Variants in FOXL2 observed in about 807,000 individuals in gnomAD.
The protein encoded by FOXL2 is forkhead box protein L2.
In FOXL2, 3 loss-of-function variants were observed where a neutral mutation model predicts 2.5. That is an observed-to-expected ratio of 1.20 (90% confidence interval 0.55 to 3.11). FOXL2 has a LOEUF of 3.11. Ranked by LOEUF, FOXL2 falls within the 30% of genes most tolerant of loss-of-function variation. The pLI is 0.03. For missense variants in FOXL2, 512 were observed against 570.0 expected, an observed-to-expected ratio of 0.90 and a Z score of 1.04; for synonymous variants, 315 against 269.4, an observed-to-expected ratio of 1.17 and a Z score of -1.66.
In FOXL2 at chr3:138,946,106, A is replaced by G. The variant is rs1935961172; in HGVS notation, c.617T>C (p.Leu206Pro). 1.4e-6 allele frequency: 2 copies of G among 1,476,890 alleles called. No homozygotes were observed. The highest frequency in any genetic ancestry group is 1.3e-5 in the South Asian group (1 of 77,852). The allele number at this position is 1,476,890 out of a possible 1,614,324, so 91.5% of individuals were successfully genotyped here. Residue 206 changes from leucine to proline, a missense_variant, in exon 1 of 1, where the codon CTA becomes CCA. Leu to Pro is a moderately conservative substitution (Grantham distance 98). Transcript: ENST00000648323. ...QSGFLNNSWP[L>P]PQPPSPMPYA... ...GGGCATGGGTGAGGGAGGCTGCGGT[A>G]GCGGCCACGAGTTGTTGAGGAAGCC...
Position 138,945,606 on chromosome 3 carries a change from G to T in FOXL2, c.1117C>A (p.Arg373Ser). ...GCGGTGGGCTCTCAGAGATCGAGGC[G>T]CGAATGCAGCGCGCCGGTCTTGCTG... ...HDSKTGALHSRLDL is the reference protein window; with the variant it reads ...HDSKTGALHSSLDL The change falls in exon 1 of 1, where the codon CGC (arginine) becomes AGC (serine). Residue 373 changes from arginine to serine, a missense_variant. Arg to Ser is a moderately radical substitution (Grantham distance 110). Transcript: ENST00000648323. The T allele has an allele frequency of 2.5e-6, 4 of 1,609,824 alleles. No individual in the cohort carries two copies. Among genetic ancestry groups the T allele is most frequent in the Non-Finnish European group, 3.4e-6 (4 of 1,177,980 alleles).
chr3:138,946,183 G>A lies in FOXL2; in HGVS notation c.540C>T (p.Gly180=). The change falls in exon 1 of 1, where the codon GGC becomes GGT. Residue 180 remains glycine (G), a synonymous_variant. Transcript: ENST00000648323. ...GGAAGGCGVA[G]AGADGYGYLA... ...GGTAGCCGTAGCCGTCGGCCCCGGC[G>A]CCCGCCACGCCGCACCCGCCTGCGG... is the stretch of plus-strand genomic sequence containing the variant. 6.8e-7 allele frequency: 1 copy of A among 1,481,472 alleles called. No individual in the cohort carries two copies. Among genetic ancestry groups the A allele is most frequent in the Non-Finnish European group, 8.9e-7 (1 of 1,122,758 alleles). The allele number at this position is 1,481,472 out of a possible 1,614,324, so 91.8% of individuals were successfully genotyped here. A position where few individuals can be genotyped will look rare whatever the true frequency, so the allele number is the denominator to read the frequency against.
At position 138,947,106 on chromosome 3, in the gene FOXL2, T is replaced by G; in HGVS notation, c.-384A>C. On this transcript the variant is annotated 5_prime_UTR_variant, in exon 1 of 1. Transcript: ENST00000648323. The surrounding 1 kb of genome is among the most constrained non-coding windows in gnomAD (Gnocchi z 5.2). ...TCTCTGGCGGAGCTGCCTCCTGGAG[T>G]CCCTAGTGCGCCAGGAGCCTCGCTC... The G allele has an allele frequency of 2.7e-6, 1 of 374,322 alleles. No homozygotes were observed. Among genetic ancestry groups the G allele is most frequent in the African/African-American group, 2.4e-5 (1 of 42,252 alleles). 23.2% of individuals were successfully genotyped at this position (374,322 alleles called of 1,614,324 possible).
rs1576469252 is a variant in FOXL2 at position 138,945,458 on chromosome 3, C to T, written c.*134G>A. ...GGAAAGCGAAAAAGCACAGAGGGAC[C>T]CTGGGCGCTGGCTCCAGAGGCGGGC... is the stretch of plus-strand genomic sequence containing the variant. On this transcript the variant is annotated 3_prime_UTR_variant, in exon 1 of 1. Coordinates refer to ENST00000648323, the MANE Select transcript of FOXL2 (RefSeq NM_023067.4). 30 of 1,451,170 alleles carry T rather than the reference C, an allele frequency of 2.1e-5. No homozygotes were observed. The highest frequency in any genetic ancestry group is 2.7e-5 in the Non-Finnish European group (29 of 1,083,758). 89.9% of individuals were successfully genotyped at this position (1,451,170 alleles called of 1,614,324 possible).
Position 138,945,601 on chromosome 3 carries a change from G to T in FOXL2, c.1122C>A (p.Leu374=), listed in dbSNP as rs367789389. 6.2e-7 allele frequency: 1 copy of T among 1,609,358 alleles called. No individual in the cohort carries two copies. Among genetic ancestry groups the T allele is most frequent in the Non-Finnish European group, 8.5e-7 (1 of 1,177,704 alleles). Residue 374 remains leucine (L), a synonymous_variant, in exon 1 of 1, where the codon CTC becomes CTA. Coordinates refer to ENST00000648323, the MANE Select transcript of FOXL2 (RefSeq NM_023067.4). ...DSKTGALHSR[L]DL is the part of the protein sequence containing the mutation. ...GGCATGCGGTGGGCTCTCAGAGATC[G>T]AGGCGCGAATGCAGCGCGCCGGTCT...
In FOXL2 at chr3:138,945,221, T is replaced by C; in HGVS notation, c.*371A>G. On this transcript the variant is annotated 3_prime_UTR_variant, in exon 1 of 1. Transcript: ENST00000648323. ...CGACCTGTGAGAGAAGGCCAAGAGG[T>C]CTGCGCTGCCGACGCCCGGTCGCAC... 2 of 253,008 alleles carry C rather than the reference T, an allele frequency of 7.9e-6. No homozygotes were observed. The highest frequency in any genetic ancestry group is 1.6e-5 in the Non-Finnish European group (2 of 128,732). 15.7% of individuals were successfully genotyped at this position (253,008 alleles called of 1,614,324 possible).
chr3:138,945,206 G>A lies in FOXL2; in HGVS notation c.*386C>T, dbSNP rs1314685222. Reference sequence around the variant, plus strand: ...GGAGAGCGAGCGCACCGACCTGTGAGAGAAGGCCAAGAGGTCTGCGCTGCC... The same window carrying A: ...GGAGAGCGAGCGCACCGACCTGTGAAAGAAGGCCAAGAGGTCTGCGCTGCC... On this transcript the variant is annotated 3_prime_UTR_variant, in exon 1 of 1. Transcript: ENST00000648323. 1.6e-5 allele frequency: 4 copies of A among 248,632 alleles called. No homozygotes were observed. The highest frequency in any genetic ancestry group is 4.3e-5 in the African/African-American group (2 of 46,086). 15.4% of individuals were successfully genotyped at this position (248,632 alleles called of 1,614,324 possible). A position where few individuals can be genotyped will look rare whatever the true frequency, so the allele number is the denominator to read the frequency against.
At position 138,946,489 on chromosome 3, in the gene FOXL2, G is replaced by A. The variant is rs778131069; in HGVS notation, c.234C>T (p.Ser78=). 3 of 1,614,056 alleles carry A rather than the reference G, an allele frequency of 1.9e-6. No individual in the cohort carries two copies. Among genetic ancestry groups the A allele is most frequent in the Non-Finnish European group, 2.5e-6 (3 of 1,180,000 alleles). The change falls in exon 1 of 1, where the codon TCC becomes TCT. Residue 78 remains serine, a synonymous_variant. Transcript: ENST00000648323. ...TCGCGATGATGTACTGGTAGATGCCGGACAGCGTGAGCCTCTTCTCCGCGC... is the reference window on the plus strand; with the variant it reads ...TCGCGATGATGTACTGGTAGATGCCAGACAGCGTGAGCCTCTTCTCCGCGC... ...RESAEKRLTL[S]GIYQYIIAKF...
rs955713442 is a variant in FOXL2 at position 138,946,293 on chromosome 3, G to T, written c.430C>A (p.Arg144=). The part of the protein sequence containing the change: ...CEDMFEKGNY[R]RRRRMKRPFR... ...GGCCTCTTCATGCGGCGGCGGCGCC[G>T]GTAGTTGCCCTTCTCGAACATGTCT... Residue 144 remains arginine, a synonymous_variant, in exon 1 of 1, where the codon CGG becomes AGG. Transcript: ENST00000648323. The T allele has an allele frequency of 1.9e-6, 3 of 1,611,684 alleles. No homozygotes were observed. The highest frequency in any genetic ancestry group is 1.1e-5 in the South Asian group (1 of 90,858).
chr3:138,944,774 C>T lies in FOXL2; in HGVS notation c.*818G>A, dbSNP rs1935913280. On this transcript the variant is annotated 3_prime_UTR_variant, in exon 1 of 1. Coordinates refer to ENST00000648323, the MANE Select transcript of FOXL2 (RefSeq NM_023067.4). Reference sequence around the variant, plus strand: ...ATTTGGATTTAGCAAACTCCAAGGCCACAATACTTCCCCGGTTGCCCGGTG... The same window carrying T: ...ATTTGGATTTAGCAAACTCCAAGGCTACAATACTTCCCCGGTTGCCCGGTG... 1 of 232,816 alleles carries T rather than the reference C, an allele frequency of 4.3e-6. No individual in the cohort carries two copies. The highest frequency in any genetic ancestry group is 1.8e-4 in the South Asian group (1 of 5,534). The allele number at this position is 232,816 out of a possible 1,614,324, so 14.4% of individuals were successfully genotyped here.
In FOXL2 at chr3:138,945,860, G is replaced by A; in HGVS notation, c.863C>T (p.Pro288Leu). ...TGCGTGCGGATGCGGGTGGGGGTGC[G>A]GCGGAGGCGGGGGTGCGGCCGGCGG... ...GGPPAAPPPP[P>L]HPHPHPHAHH... is the part of the protein sequence containing the mutation. Residue 288 changes from proline to leucine, a missense_variant, in exon 1 of 1, where the codon CCG becomes CTG. Pro to Leu is a moderately conservative substitution (Grantham distance 98). Around this residue, in one of 5 missense-constraint regions of FOXL2, gnomAD observed 287 missense variants for 277.4 expected, o/e 1.03. Transcript: ENST00000648323. The A allele has an allele frequency of 8.1e-7, 1 of 1,241,708 alleles. No homozygotes were observed. The highest frequency in any genetic ancestry group is 1.0e-6 in the Non-Finnish European group (1 of 995,788). 76.9% of individuals were successfully genotyped at this position (1,241,708 alleles called of 1,614,324 possible).
rs920747144 is a variant in FOXL2 at position 138,944,226 on chromosome 3, A to T, written c.*1366T>A. On this transcript the variant is annotated 3_prime_UTR_variant, in exon 1 of 1. Transcript: ENST00000648323. ...CGACAGAAATAAAGAAGTCCGTGTT[A>T]AAAGAAGGAACACAAAATTTATTCG... 4.3e-6 allele frequency: 1 copy of T among 230,902 alleles called. No individual in the cohort carries two copies. The highest frequency in any genetic ancestry group is 2.2e-5 in the African/African-American group (1 of 45,278). The allele number at this position is 230,902 out of a possible 1,614,324, so 14.3% of individuals were successfully genotyped here.
rs111967494 is a variant in FOXL2 at position 138,946,641 on chromosome 3, C to T, written c.82G>A (p.Glu28Lys). The change falls in exon 1 of 1, where the codon GAA becomes AAA. Residue 28 changes from glutamate (E) to lysine (K), a missense_variant. Glu to Lys is a moderately conservative substitution (Grantham distance 56, BLOSUM62 1). Coordinates refer to ENST00000648323, the MANE Select transcript of FOXL2 (RefSeq NM_023067.4). ...PETGRTVKEP[E>K]GPPPSPGKGG... The stretch of plus-strand genomic sequence containing the variant: ...TTGCCTGGGCTCGGCGGCGGCCCTT[C>T]TGGCTCCTTGACTGTGCGACCGGTC... 1 of 1,591,722 alleles carries T rather than the reference C, an allele frequency of 6.3e-7. No individual in the cohort carries two copies. The highest frequency in any genetic ancestry group is 8.5e-7 in the Non-Finnish European group (1 of 1,172,434).
Position 138,946,033 on chromosome 3 carries a change from CGCAGCTGCT to C in FOXL2, c.681_689del (p.Ala232_Ala234del). 7.2e-7 allele frequency: 1 copy of C among 1,393,148 alleles called. No homozygotes were observed. The highest frequency in any genetic ancestry group is 9.2e-7 in the Non-Finnish European group (1 of 1,085,756). 86.3% of individuals were successfully genotyped at this position (1,393,148 alleles called of 1,614,324 possible). ...GGCTACCGGGGCCCGCGGCTGCAGCCGCAGCTGCTGCAGCCGCTGCGGCTGCCGCCATCT... is the reference window on the plus strand; with the variant it reads ...GGCTACCGGGGCCCGCGGCTGCAGCCGCAGCCGCTGCGGCTGCCGCCATCT... On this transcript the variant is annotated inframe_deletion, in exon 1 of 1. Coordinates refer to ENST00000648323, the MANE Select transcript of FOXL2 (RefSeq NM_023067.4).
chr3:138,946,487 C>T lies in FOXL2; in HGVS notation c.236G>A (p.Gly79Asp), dbSNP rs1935975558. The T allele has an allele frequency of 6.2e-7, 1 of 1,614,082 alleles. No homozygotes were observed. The highest frequency in any genetic ancestry group is 2.2e-5 in the East Asian group (1 of 44,852). ...CTTCGCGATGATGTACTGGTAGATG[C>T]CGGACAGCGTGAGCCTCTTCTCCGC... ...ESAEKRLTLSGIYQYIIAKFP... is the reference protein window; with the variant it reads ...ESAEKRLTLSDIYQYIIAKFP... Residue 79 changes from glycine to aspartate, a missense_variant, in exon 1 of 1, where the codon GGC becomes GAC. By Grantham distance (94) the Gly-to-Asp change is moderately conservative (BLOSUM62 -1). Around this residue, in one of 5 missense-constraint regions of FOXL2, gnomAD observed 63 missense variants for 138.9 expected, o/e 0.45. Coordinates refer to ENST00000648323, the MANE Select transcript of FOXL2 (RefSeq NM_023067.4).
rs1426938011 is a variant in FOXL2 at position 138,945,535 on chromosome 3, C to T, written c.*57G>A. 1.8e-5 allele frequency: 28 copies of T among 1,569,100 alleles called. No homozygotes were observed. The highest frequency in any genetic ancestry group is 1.6e-4 in the African/African-American group (12 of 73,938). ...GCGGCGTCGTCGGCTGCGACCGGGG[C>T]CGGCGTCGCGCGTCCCTGCATCCTC... is the stretch of plus-strand genomic sequence containing the variant. On this transcript the variant is annotated 3_prime_UTR_variant, in exon 1 of 1. Transcript: ENST00000648323.
rs770712111 is a variant in FOXL2, at chr3:138,946,578, G to A, written c.145C>T (p.Pro49Ser). The change falls in exon 1 of 1, where the codon CCG becomes TCG. Residue 49 changes from proline to serine, a missense_variant. By Grantham distance (74) the Pro-to-Ser change is moderately conservative. Transcript: ENST00000648323. ...GGGGGTAPEK[P>S]DPAQKPPYSY... ...TACGGGGGCTTCTGCGCCGGGTCCG[G>A]CTTCTCCGGGGCTGTCCCGCCGCCA... 4 of 1,608,918 alleles carry A rather than the reference G, an allele frequency of 2.5e-6. No individual in the cohort carries two copies. The South Asian group carries it at 3.3e-5, about 13-fold the overall frequency.
In FOXL2 at chr3:138,946,456, C is replaced by G. The variant is rs755036343; in HGVS notation, c.267G>C (p.Pro89=). The G allele has an allele frequency of 3.1e-6, 5 of 1,614,160 alleles. No homozygotes were observed. Among genetic ancestry groups the G allele is most frequent in the Non-Finnish European group, 4.2e-6 (5 of 1,180,016 alleles). ...AGCCCTTCTTATTCTTCTCGTAGAA[C>G]GGGAACTTCGCGATGATGTACTGGT... ...GIYQYIIAKF[P]FYEKNKKGWQ... is the part of the protein sequence containing the mutation. Residue 89 remains proline (P), a synonymous_variant, in exon 1 of 1, where the codon CCG becomes CCC. Transcript: ENST00000648323.
chr3:138,946,959 A>C lies in FOXL2; in HGVS notation c.-237T>G. On this transcript the variant is annotated 5_prime_UTR_variant, in exon 1 of 1. Transcript: ENST00000648323. ...GCCTCTGGCCATGGGGAGTCCGCCCAACAGAGAGGGGCTCCGGCCTCGCCG... is the reference window on the plus strand; with the variant it reads ...GCCTCTGGCCATGGGGAGTCCGCCCCACAGAGAGGGGCTCCGGCCTCGCCG... 1.7e-6 allele frequency: 1 copy of C among 593,400 alleles called. No homozygotes were observed. Among genetic ancestry groups the C allele is most frequent in the Non-Finnish European group, 2.9e-6 (1 of 343,578 alleles). 36.8% of individuals were successfully genotyped at this position (593,400 alleles called of 1,614,324 possible). A position where few individuals can be genotyped will look rare whatever the true frequency, so the allele number is the denominator to read the frequency against.
Sources: allele counts gnomAD v4.1 joint callset, GRCh38; gene constraint gnomAD v4.1.1; regional missense constraint gnomAD v4.1.1; non-coding constraint Gnocchi (gnomAD v3.1); transcripts MANE v1.5; gene names NCBI Gene and HGNC (gene_info 2026-07-23, HGNC 2026-07-21).